Variants in COL14A1 observed in about 807,000 individuals in gnomAD.
COL14A1 encodes the protein collagen type XIV alpha 1 chain.
In COL14A1, 136 loss-of-function variants were observed where a neutral mutation model predicts 230.3. That is an observed-to-expected ratio of 0.59 (90% CI 0.51 to 0.68). The LOEUF (loss-of-function observed/expected upper bound fraction) is 0.68. Ranked by LOEUF, COL14A1 falls within the 30% of genes least tolerant of loss-of-function variation. The probability of loss-of-function intolerance (pLI) is 0.00; values close to 1 mark genes in which losing one functional copy is unlikely to be tolerated. For synonymous variants in COL14A1, 792 were observed against 784.1 expected (o/e 1.01, Z -0.17); for missense variants, 1,976 against 2,215.8 (o/e 0.89, Z 2.17).
rs1468095949 is a variant in COL14A1 at position 120,197,808 on chromosome 8, C to T, written c.593-3C>T. ...TGGTGCGTTTCCTAATCTTTTTTTC[C>T]AGGTCTTGCACAGTATAGTGGTGAC... is the stretch of plus-strand genomic sequence containing the variant. On this transcript the variant is annotated splice_region_variant and splice_polypyrimidine_tract_variant and intron_variant, in intron 6 of 47. Transcript: ENST00000297848. 1 of 1,596,716 alleles carries T rather than the reference C, an allele frequency of 6.3e-7. No individual in the cohort carries two copies. Among genetic ancestry groups the T allele is most frequent in the Non-Finnish European group, 8.5e-7 (1 of 1,170,464 alleles).
intron 37 of COL14A1, among the ~76,000 whole-genome samples, chr8:120,310,368 C>A (rs1279308176): frequency 6.6e-6 from 1 of 152,162 alleles, no homozygotes; most frequent in Non-Finnish European, 1.5e-5. Flanking sequence ...CCTCTACCTA[C>A]AACAAAAACG....
intron 42 of COL14A1, among the ~76,000 whole-genome samples, chr8:120,335,412 T>C (rs976158796): frequency 1.3e-5 from 2 of 152,214 alleles, no homozygotes; most frequent in Non-Finnish European, 2.9e-5. Context: ...CCTATTAGCA[T>C]CAGGTAGGAA....
chr8:120,247,776 T>C, intron 21 of COL14A1, 41 bp downstream of exon 21: 8 of 1,599,580 alleles, frequency 5.0e-6, no homozygotes, highest in Non-Finnish European at 6.8e-6. Flanking sequence ...CCATGAGTAG[T>C]CACTTAAAAT....
chr8:120,345,570 T>C lies in COL14A1; in HGVS notation c.5077+7T>C. 1 of 1,529,468 alleles carries C rather than the reference T, an allele frequency of 6.5e-7. No homozygotes were observed. The highest frequency in any genetic ancestry group is 8.7e-7 in the Non-Finnish European group (1 of 1,144,574). 94.7% of individuals were successfully genotyped at this position (1,529,468 alleles called of 1,614,324 possible). A position where few individuals can be genotyped will look rare whatever the true frequency, so the allele number is the denominator to read the frequency against. ...GGGACCCCAGGAGAACGAGGTAAGC[T>C]GGGCCCCTTCTCTCAGAGGAACTCC... On this transcript the variant is annotated splice_region_variant and intron_variant, in intron 45 of 47. Transcript: ENST00000297848.
At chr8:120,212,353 C>T (rs1224865588) in intron 12 of COL14A1, 95 bp from the exon 13 acceptor site, 1 of 1,295,486 alleles carries the variant, frequency 7.7e-7, no homozygotes, top group African/African-American at 1.5e-5. Context: ...GACGTAAAGT[C>T]TTATCCCATG....
intron 5 of COL14A1, among the ~76,000 whole-genome samples, chr8:120,190,567 G>A (rs913754443): frequency 1.3e-5 from 2 of 152,066 alleles, no homozygotes; most frequent in South Asian, 2.1e-4. Context: ...GCCCATGCCT[G>A]TGTCCTGAAT....
At chr8:120,154,726 A>T (rs1815404951) in intron 2 of COL14A1, among the ~76,000 whole-genome samples, 1 of 152,192 alleles carries the variant, frequency 6.6e-6, no homozygotes, top group East Asian at 1.9e-4. Context: ...AACTGACATA[A>T]ATTAATTTTT....
At chr8:120,231,811 C>T in intron 19 of COL14A1, 193 bp downstream of exon 19, 1 of 567,878 alleles carries the variant, frequency 1.8e-6, no homozygotes, top group Non-Finnish European at 3.0e-6. Flanking sequence ...AAACTTGCTC[C>T]ATGTACAACT....
intron 14 of COL14A1, among the ~76,000 whole-genome samples, chr8:120,223,190 G>A (rs1158658046): frequency 2.0e-5 from 3 of 152,214 alleles, no homozygotes; most frequent in Admixed American, 6.5e-5. Context: ...AGGCCAAGAG[G>A]TATCTCAGGG....
intron 45 of COL14A1, 87 bp downstream of exon 45, chr8:120,345,650 A>G: frequency 8.8e-7 from 1 of 1,132,544 alleles, no homozygotes; most frequent in Middle Eastern, 3.1e-4. Flanking sequence ...ACAAGGATAA[A>G]GTCTGAAACA....
chr8:120,244,336 TG>T (rs1818700564), intron 20 of COL14A1, among the ~76,000 whole-genome samples: 2 of 152,204 alleles, frequency 1.3e-5, no homozygotes, highest in Admixed American at 1.3e-4. Flanking sequence ...ATCTAACAGG[TG>T]TGCTCTAGTC....
chr8:120,292,470 G>T (rs1381188048), intron 34 of COL14A1, among the ~76,000 whole-genome samples: 5 of 152,080 alleles, frequency 3.3e-5, no homozygotes, highest in Non-Finnish European at 7.4e-5. Context: ...ACTTACTGAA[G>T]AATTTGATTA....
At chr8:120,195,058 T>C (rs1264327363) in intron 5 of COL14A1, among the ~76,000 whole-genome samples, 1 of 152,200 alleles carries the variant, frequency 6.6e-6, no homozygotes, top group Non-Finnish European at 1.5e-5. Context: ...GTTGTACTGT[T>C]TAGCTTCCAT....
intron 2 of COL14A1, among the ~76,000 whole-genome samples, chr8:120,155,223 C>T (rs766595131): frequency 6.6e-6 from 1 of 152,170 alleles, no homozygotes; most frequent in African/African-American, 2.4e-5. Context: ...ACAGTTGAAT[C>T]ATTTGTAAAT....
chr8:120,325,572 A>G (rs911437243), intron 40 of COL14A1, among the ~76,000 whole-genome samples: 2 of 152,102 alleles, frequency 1.3e-5, no homozygotes, highest in Non-Finnish European at 2.9e-5. Context: ...GGCTCACTAC[A>G]ACCTCCACCT....
intron 34 of COL14A1, among the ~76,000 whole-genome samples, chr8:120,291,014 G>A (rs1364459019): frequency 6.6e-6 from 1 of 152,144 alleles, no homozygotes; most frequent in African/African-American, 2.4e-5. Flanking sequence ...GCTATGGAAG[G>A]CTCTCTTGTT....
At chr8:120,342,755 G>A (rs1822352100) in intron 44 of COL14A1, among the ~76,000 whole-genome samples, 1 of 152,106 alleles carries the variant, frequency 6.6e-6, no homozygotes, top group South Asian at 2.1e-4. Context: ...TTTCCAGGTG[G>A]GTAGGATTTT....
chr8:120,341,410 C>G (rs778247549), intron 43 of COL14A1, 50 bp downstream of exon 43: 4 of 1,581,820 alleles, frequency 2.5e-6, no homozygotes, highest in Non-Finnish European at 3.5e-6. Flanking sequence ...TGCACCCCTT[C>G]CATTGCATAA....
intron 40 of COL14A1, among the ~76,000 whole-genome samples, chr8:120,321,591 C>T (rs542204585): frequency 7.1e-4 from 107 of 150,838 alleles, no homozygotes; most frequent in African/African-American, 2.5e-3. Context: ...TGCAGTGAGC[C>T]GAGATCGCAC....
Sources: gnomAD v4.1 joint callset for allele counts (sites outside exome capture counted in the v4.1 genomes callset) on GRCh38, gnomAD v4.1.1 for gene constraint, MANE v1.5 for transcripts, NCBI Gene and HGNC (gene_info 2026-07-23, HGNC 2026-07-21) for gene names.